Variants in GRM8 observed in about 807,000 individuals in gnomAD.
The protein encoded by GRM8 is glutamate metabotropic receptor 8, also known as metabotropic glutamate receptor 8.
Under a neutral mutation model 87.2 loss-of-function variants are expected in GRM8, and 47 were observed. That is an observed-to-expected ratio of 0.54 (90% CI 0.43 to 0.69). The LOEUF (loss-of-function observed/expected upper bound fraction) is 0.69, where lower values mean the gene tolerates loss of function less well. Among genes scored for constraint, GRM8 ranks in the 30% least tolerant of loss-of-function variants. The pLI is 0.00. For synonymous variants in GRM8, 396 were observed against 404.5 expected (o/e 0.98, Z 0.25); for missense variants, 1,019 against 1,139.2 (o/e 0.89, Z 1.52).
At chr7:126,906,975 G>A (rs1220457320) in intron 3 of GRM8, among the ~76,000 whole-genome samples, 6 of 152,124 alleles carry the variant, frequency 3.9e-5, no homozygotes, top group Admixed American at 1.3e-4. Context: ...GGACACAATG[G>A]TGAATAAAAG....
At chr7:126,466,552 C>T (rs1804522950) in intron 9 of GRM8, among the ~76,000 whole-genome samples, 1 of 151,790 alleles carries the variant, frequency 6.6e-6, no homozygotes, top group Non-Finnish European at 1.5e-5. Context: ...CCATGATCTG[C>T]CACCTGCAGG....
intron 3 of GRM8, among the ~76,000 whole-genome samples, chr7:126,909,792 G>A (rs1203235378): frequency 6.6e-6 from 1 of 152,062 alleles, no homozygotes; most frequent in Non-Finnish European, 1.5e-5. Flanking sequence ...TTGAAGGTTT[G>A]CATCATGACC....
At chr7:126,608,595 T>C (rs1228792891) in intron 8 of GRM8, among the ~76,000 whole-genome samples, 1 of 152,092 alleles carries the variant, frequency 6.6e-6, no homozygotes, top group Non-Finnish European at 1.5e-5. Flanking sequence ...AAATAGCAGG[T>C]AGCTCTAAAG....
At chr7:126,749,102 C>T (rs1384177475) in intron 7 of GRM8, among the ~76,000 whole-genome samples, 5 of 151,958 alleles carry the variant, frequency 3.3e-5, no homozygotes, top group East Asian at 1.9e-4. Flanking sequence ...GATGAAACCT[C>T]GTCTCTAACC....
intron 6 of GRM8, among the ~76,000 whole-genome samples, chr7:126,790,494 T>C (rs1821165544): frequency 6.6e-6 from 1 of 152,212 alleles, no homozygotes; most frequent in South Asian, 2.1e-4. Flanking sequence ...CACACCAACA[T>C]TTTAAATTAA....
chr7:126,773,406 T>C (rs541751904), intron 6 of GRM8, among the ~76,000 whole-genome samples: 50 of 152,146 alleles, frequency 3.3e-4, no homozygotes, highest in Middle Eastern at 3.4e-3. Flanking sequence ...ATTAAGGAAT[T>C]TGGAAATTTT....
intron 3 of GRM8, among the ~76,000 whole-genome samples, chr7:126,927,545 A>G (rs1023629398): frequency 6.6e-6 from 1 of 152,194 alleles, no homozygotes; most frequent in Non-Finnish European, 1.5e-5. Context: ...CCCCATCAAA[A>G]AGTGGGAGAA....
At chr7:126,566,863 T>C (rs969189987) in intron 8 of GRM8, among the ~76,000 whole-genome samples, 1 of 152,120 alleles carries the variant, frequency 6.6e-6, no homozygotes, top group Non-Finnish European at 1.5e-5. Flanking sequence ...AAGAGGAAAT[T>C]CCGCAATATG....
At chr7:126,960,731 C>A (rs960020062) in intron 3 of GRM8, among the ~76,000 whole-genome samples, 4 of 152,138 alleles carry the variant, frequency 2.6e-5, no homozygotes, top group African/African-American at 7.2e-5. Context: ...TTCAAATATG[C>A]AAATGGTATT....
chr7:126,999,564 G>A (rs1813518868), intron 3 of GRM8, among the ~76,000 whole-genome samples: 1 of 151,594 alleles, frequency 6.6e-6, no homozygotes. Context: ...ATAATCTGAT[G>A]TTAAAAAGGG....
intron 2 of GRM8, among the ~76,000 whole-genome samples, chr7:127,234,539 A>G (rs898836171): frequency 6.6e-6 from 1 of 152,160 alleles, no homozygotes; most frequent in Non-Finnish European, 1.5e-5. Flanking sequence ...GTTAAATCTC[A>G]TTTTTGTTTT....
intron 9 of GRM8, among the ~76,000 whole-genome samples, chr7:126,525,893 T>C (rs1326651007): frequency 1.3e-5 from 2 of 152,220 alleles, no homozygotes; most frequent in East Asian, 3.8e-4. Context: ...AATTTCTTTT[T>C]ACATATTTCT....
intron 6 of GRM8, among the ~76,000 whole-genome samples, chr7:126,806,307 CG>C (rs1221146468): frequency 6.6e-6 from 1 of 152,312 alleles, no homozygotes; most frequent in East Asian, 1.9e-4. Context: ...CGTGGTCTCG[CG>C]GCCTTCAGGA....
At chr7:127,127,931 T>C (rs1827462939) in intron 2 of GRM8, among the ~76,000 whole-genome samples, 1 of 152,088 alleles carries the variant, frequency 6.6e-6, no homozygotes, top group African/African-American at 2.4e-5. Flanking sequence ...CTCATGTTCA[T>C]GCAATCACTA....
intron 3 of GRM8, among the ~76,000 whole-genome samples, chr7:126,996,941 CA>C (rs1427279622): frequency 6.6e-6 from 1 of 151,916 alleles, no homozygotes; most frequent in African/African-American, 2.4e-5. Context: ...AGAACAAACG[CA>C]TCTAATAGAT....
chr7:126,777,486 T>C (rs80278035), intron 6 of GRM8, among the ~76,000 whole-genome samples: 1 of 152,086 alleles, frequency 6.6e-6, no homozygotes, highest in African/African-American at 2.4e-5. Flanking sequence ...ATTCTTCCAG[T>C]TCAGGTTTAT....
chr7:126,835,053 G>A (rs1019180060), intron 6 of GRM8, among the ~76,000 whole-genome samples: 5 of 149,162 alleles, frequency 3.4e-5, no homozygotes, highest in Non-Finnish European at 4.4e-5. Flanking sequence ...TCCAGCCTGG[G>A]TGACAGAGTA....
intron 3 of GRM8, among the ~76,000 whole-genome samples, chr7:127,047,109 C>T (rs1425219681): frequency 6.6e-6 from 1 of 152,200 alleles, no homozygotes; most frequent in Non-Finnish European, 1.5e-5. Flanking sequence ...CTACAGCCTA[C>T]GCAACCTGTT....
intron 6 of GRM8, among the ~76,000 whole-genome samples, chr7:126,836,630 T>C (rs1452897262): frequency 6.6e-6 from 1 of 152,196 alleles, no homozygotes; most frequent in Non-Finnish European, 1.5e-5. Context: ...ACTCACCTGC[T>C]GTCTCCTGCT....
Sources: gnomAD v4.1 joint callset for allele counts (sites outside exome capture counted in the v4.1 genomes callset) on GRCh38, gnomAD v4.1.1 for gene constraint, MANE v1.5 for transcripts, NCBI Gene and HGNC (gene_info 2026-07-23, HGNC 2026-07-21) for gene names.